Variants in TGFBR2 observed in about 807,000 individuals in gnomAD.
TGFBR2 encodes the protein TGF-beta receptor type-2.
TGFBR2 carries 18 observed loss-of-function variants against 49.0 expected under a neutral mutation model. That is an observed-to-expected ratio of 0.37 (90% confidence interval 0.25 to 0.54). TGFBR2 has a LOEUF of 0.54. Ranked by LOEUF, TGFBR2 falls within the 20% of genes least tolerant of loss-of-function variation. The probability of loss-of-function intolerance (pLI) is 0.85; values close to 1 mark genes in which losing one functional copy is unlikely to be tolerated. For missense variants in TGFBR2, 525 were observed against 722.6 expected (o/e 0.73, Z 3.13); for synonymous variants, 282 against 275.9 (o/e 1.02, Z -0.22).
At chr3:30,665,652 C>T (rs1180288067) in intron 3 of TGFBR2, among the ~76,000 whole-genome samples, 1 of 152,204 alleles carries the variant, frequency 6.6e-6, no homozygotes, top group African/African-American at 2.4e-5. Flanking sequence ...CCCATTGGCA[C>T]TAGTTACCAA....
chr3:30,611,480 A>G (rs1299403936), intron 1 of TGFBR2, among the ~76,000 whole-genome samples: 3 of 152,310 alleles, frequency 2.0e-5, no homozygotes, highest in African/African-American at 7.2e-5. Context: ...TTTTCATGCA[A>G]TTCCTTTAGC....
At chr3:30,616,511 C>G (rs886807351) in intron 1 of TGFBR2, among the ~76,000 whole-genome samples, 2 of 152,192 alleles carry the variant, frequency 1.3e-5, no homozygotes, top group African/African-American at 4.8e-5. Flanking sequence ...ATCTAGGTGT[C>G]TGGGTGACCA....
chr3:30,656,397 A>G (rs3773632), intron 3 of TGFBR2, among the ~76,000 whole-genome samples: 26,191 of 152,194 alleles, frequency 0.17, 2,657 homozygotes, highest in East Asian at 0.37. Flanking sequence ...CTGTGGGACT[A>G]TCCCTTAATA....
chr3:30,641,019 G>C, intron 1 of TGFBR2, among the ~76,000 whole-genome samples: 1 of 152,142 alleles, frequency 6.6e-6, no homozygotes, highest in East Asian at 1.9e-4. Flanking sequence ...GGAGTGCACA[G>C]ATGCAATGTC....
At chr3:30,656,702 C>A (rs984256849) in intron 3 of TGFBR2, among the ~76,000 whole-genome samples, 1 of 152,166 alleles carries the variant, frequency 6.6e-6, no homozygotes, top group African/African-American at 2.4e-5. Context: ...CTTGCTTTTC[C>A]TGCTAACTTA....
At chr3:30,629,222 G>C (rs1698392887) in intron 1 of TGFBR2, among the ~76,000 whole-genome samples, 1 of 152,170 alleles carries the variant, frequency 6.6e-6, no homozygotes, top group African/African-American at 2.4e-5. Context: ...GTCTGACTTG[G>C]AACTGAATGT....
chr3:30,671,944 G>A lies in TGFBR2; in HGVS notation c.761G>A (p.Arg254His), dbSNP rs751948498. Residue 254 changes from arginine to histidine, a missense_variant, in exon 4 of 7, where the codon CGC becomes CAC. Physicochemically the swap from Arg to His is conservative, Grantham distance 29 (BLOSUM62 0). This residue lies in a region of TGFBR2 where 376 missense variants were observed against 478.2 expected (regional missense o/e 0.79). Transcript: ENST00000295754. ...CTGGACACCCTGGTGGGGAAAGGTC[G>A]CTTTGCTGAGGTCTATAAGGCCAAG... ...IELDTLVGKG[R>H]FAEVYKAKLK... is the part of the protein sequence containing the mutation. 4.3e-6 allele frequency: 7 copies of A among 1,614,142 alleles called. No individual in the cohort carries two copies. The highest frequency in any genetic ancestry group is 2.2e-5 in the South Asian group (2 of 91,078).
In TGFBR2 at chr3:30,672,812, G is replaced by T. The variant is rs1303480159; in HGVS notation, c.1254+375G>T. Among the ~76,000 whole-genome samples, 1 of 152,114 alleles carries T rather than the reference G, an allele frequency of 6.6e-6. No homozygotes were observed. The highest frequency in any genetic ancestry group is 2.4e-5 in the African/African-American group (1 of 41,412). ...TTTCTGCTCTATACTAGCTGTAGTT[G>T]TGTTGGTTTCTTTGTATTAAAAGCA... On this transcript the variant is annotated intron_variant, in intron 4 of 6. Coordinates refer to ENST00000295754, the MANE Select transcript of TGFBR2 (RefSeq NM_003242.6). This position sits in a 1 kb window ranked among gnomAD's most constrained non-coding sequence, Gnocchi z 4.5.
intron 1 of TGFBR2, among the ~76,000 whole-genome samples, chr3:30,625,992 A>T (rs1208456031): frequency 6.6e-6 from 1 of 152,146 alleles, no homozygotes; most frequent in Non-Finnish European, 1.5e-5. Context: ...GCACGTTAGG[A>T]TCACCTGCGA....
At chr3:30,647,576 AT>A (rs1326940171) in intron 2 of TGFBR2, among the ~76,000 whole-genome samples, 2 of 151,986 alleles carry the variant, frequency 1.3e-5, no homozygotes, top group Non-Finnish European at 2.9e-5. Flanking sequence ...TCATTCATTC[AT>A]TCATTCATTC....
At chr3:30,642,306 G>C (rs895161018) in intron 1 of TGFBR2, among the ~76,000 whole-genome samples, 23 of 151,798 alleles carry the variant, frequency 1.5e-4, no homozygotes, top group African/African-American at 4.9e-4. Context: ...GTGGTGGTGG[G>C]GTGGGAGTGG....
intron 3 of TGFBR2, among the ~76,000 whole-genome samples, chr3:30,654,842 CACA>C (rs1698964867): frequency 6.6e-6 from 1 of 152,208 alleles, no homozygotes; most frequent in African/African-American, 2.4e-5. Flanking sequence ...AAGAATCAAA[CACA>C]ACAACTCAGT....
chr3:30,616,094 T>G (rs1300215154), intron 1 of TGFBR2, among the ~76,000 whole-genome samples: 2 of 152,168 alleles, frequency 1.3e-5, no homozygotes, highest in Non-Finnish European at 2.9e-5. Context: ...TAATTTTATA[T>G]TCACTTTATT....
intron 3 of TGFBR2, among the ~76,000 whole-genome samples, chr3:30,653,935 A>G (rs1014905079): frequency 6.6e-6 from 1 of 152,224 alleles, no homozygotes; most frequent in African/African-American, 2.4e-5. Context: ...AACCAGGCTT[A>G]GAGAAATTTA....
intron 1 of TGFBR2, among the ~76,000 whole-genome samples, chr3:30,633,352 A>T (rs1698471392): frequency 6.6e-6 from 1 of 152,232 alleles, no homozygotes; most frequent in Non-Finnish European, 1.5e-5. Flanking sequence ...ATAATTATTA[A>T]CATCACATAG....
chr3:30,644,691 T>C, intron 1 of TGFBR2, 56 bp from the exon 2 acceptor site: 8 of 1,548,394 alleles, frequency 5.2e-6, no homozygotes, highest in South Asian at 2.3e-5. Flanking sequence ...CAGGAATTCA[T>C]TGGCAGGCTG....
intron 3 of TGFBR2, among the ~76,000 whole-genome samples, chr3:30,652,152 G>A (rs921074102): frequency 3.3e-5 from 5 of 151,332 alleles, no homozygotes; most frequent in South Asian, 2.1e-4. Flanking sequence ...TCAGGGCAAC[G>A]CTTTCCAGAT....
chr3:30,619,447 T>C (rs1698189081), intron 1 of TGFBR2, among the ~76,000 whole-genome samples: 1 of 152,158 alleles, frequency 6.6e-6, no homozygotes, highest in African/African-American at 2.4e-5. Context: ...GGCCTTCCCT[T>C]TCTCTTTGAG....
At chr3:30,608,053 C>T (rs1697962891) in intron 1 of TGFBR2, among the ~76,000 whole-genome samples, 1 of 151,550 alleles carries the variant, frequency 6.6e-6, no homozygotes, top group Non-Finnish European at 1.5e-5. Flanking sequence ...ATTCTCCTGC[C>T]TTAGCCTCCC....
Sources: gnomAD v4.1 joint callset for allele counts (sites outside exome capture counted in the v4.1 genomes callset) on GRCh38, gnomAD v4.1.1 for gene constraint, gnomAD v4.1.1 regional missense constraint, Gnocchi (gnomAD v3.1) non-coding constraint, MANE v1.5 for transcripts, NCBI Gene and HGNC (gene_info 2026-07-23, HGNC 2026-07-21) for gene names.